MIB2: variants seen among roughly 807,000 people sequenced by gnomAD.
The protein encoded by MIB2 is MIB E3 ubiquitin protein ligase 2, also known as E3 ubiquitin-protein ligase MIB2.
Under a neutral mutation model 96.6 loss-of-function variants are expected in MIB2, and 78 were observed. The observed-to-expected ratio is 0.81, with a 90% CI of 0.67 to 0.97. MIB2 has a LOEUF of 0.97. MIB2 is among the 50% of genes least tolerant of loss of function. The pLI is 0.00. For missense variants in MIB2, 1,543 were observed against 1,424.0 expected, an observed-to-expected ratio of 1.08 and a Z score of -1.35; for synonymous variants, 820 against 629.5, an observed-to-expected ratio of 1.30 and a Z score of -4.53.
Position 1,630,458 on chromosome 1 carries a change from C to T in MIB2, c.2796C>T (p.Pro932=), listed in dbSNP as rs772606062. ...AGTGCGGCCACGGCGCATGCGCCCC[C>T]TGCGGCTCCGCGCTCAGCGCCTGCC... ...VFQCGHGACA[P]CGSALSACPI... The change falls in exon 20 of 20, where the codon CCC becomes CCT. Residue 932 remains proline, a synonymous_variant. Transcript: ENST00000355826. 8 of 1,593,996 alleles carry T rather than the reference C, an allele frequency of 5.0e-6. No individual in the cohort carries two copies. In the South Asian group the frequency reaches 5.6e-5, roughly 11 times the overall value.
chr1:1,616,093 G>T, intron 1 of MIB2: 2 of 984,350 alleles, frequency 2.0e-6, no homozygotes, highest in Non-Finnish European at 2.4e-6. Flanking sequence ...GCAAGTTGGG[G>T]TCGGCAGGTA....
rs946293432 is a variant in MIB2, at chr1:1,623,647, C to T, written c.195C>T (p.Arg65=). The change falls in exon 3 of 20, where the codon CGC becomes CGT. Residue 65 remains arginine (R), a synonymous_variant. Transcript: ENST00000355826. ...QWDQGTRTNY[R]AGYQGAHDLL... ...ACCAGGGCACGCGCACCAACTACCG[C>T]GCCGGCTACCAGGGCGCGCACGACC... is the stretch of plus-strand genomic sequence containing the variant. 7.4e-6 allele frequency: 11 copies of T among 1,477,676 alleles called. No homozygotes were observed. The highest frequency in any genetic ancestry group is 1.4e-5 in the African/African-American group (1 of 71,238). The allele number at this position is 1,477,676 out of a possible 1,614,324, so 91.5% of individuals were successfully genotyped here. A position where few individuals can be genotyped will look rare whatever the true frequency, so the allele number is the denominator to read the frequency against.
chr1:1,625,439 C>G lies in MIB2; in HGVS notation c.864+11C>G, dbSNP rs1213322831. On this transcript the variant is annotated intron_variant, in intron 7 of 19. Transcript: ENST00000355826. The surrounding 1 kb of genome is among the most constrained non-coding windows in gnomAD (Gnocchi z 5.0). The stretch of plus-strand genomic sequence containing the variant: ...CCCAGGATGGCGGAGGTGAGCCGCC[C>G]CGCCGTGGAGCCCTGTGTGCCCTGC... The G allele has an allele frequency of 6.4e-7, 1 of 1,563,682 alleles. No homozygotes were observed. Among genetic ancestry groups the G allele is most frequent in the Non-Finnish European group, 8.7e-7 (1 of 1,155,662 alleles).
At chr1:1,628,950 G>A in intron 16 of MIB2, 183 bp from the exon 17 acceptor site, 2 of 731,294 alleles carry the variant, frequency 2.7e-6, no homozygotes, top group Non-Finnish European at 4.3e-6. Context: ...GTGGAGCTTA[G>A]GGTCTCAGAG....
Position 1,626,262 on chromosome 1 carries a change from A to G in MIB2, c.973-388A>G. The G allele has an allele frequency of 3.7e-6, 1 of 269,150 alleles. No homozygotes were observed. The highest frequency in any genetic ancestry group is 7.1e-6 in the Non-Finnish European group (1 of 141,714). 16.7% of individuals were successfully genotyped at this position (269,150 alleles called of 1,614,324 possible). On this transcript the variant is annotated intron_variant, in intron 8 of 19. Transcript: ENST00000355826. The surrounding 1 kb of genome is among the most constrained non-coding windows in gnomAD (Gnocchi z 5.3). ...GTGAGTTCCCTGCATATGAGGGCTC[A>G]GGTGGGGCAGAGTGGGCCCGTCCTG...
At chr1:1,627,641 C>T (rs1319282278) in intron 12 of MIB2, 32 bp from the exon 13 acceptor site, 21 of 1,574,230 alleles carry the variant, frequency 1.3e-5, no homozygotes, top group South Asian at 9.1e-5. Context: ...CCGGGCCCGG[C>T]GCCCTCCCTC....
At chr1:1,615,272 C>T, upstream of MIB2, 2 of 1,221,180 alleles carry the variant, frequency 1.6e-6, no homozygotes, top group South Asian at 1.8e-5. Flanking sequence ...TGCCAGCGAG[C>T]GCGACGTCGC....
At chr1:1,622,929 G>A (rs926105195) in intron 2 of MIB2, among the ~76,000 whole-genome samples, 5 of 152,178 alleles carry the variant, frequency 3.3e-5, no homozygotes, top group Non-Finnish European at 5.9e-5. Flanking sequence ...TGGGTTGTCT[G>A]ACGTTTTCGT....
chr1:1,629,407 G>GCGGCCC lies in MIB2; in HGVS notation c.2408_2413dup (p.Ala803_Pro804dup). 1 of 1,450,128 alleles carries GCGGCCC rather than the reference G, an allele frequency of 6.9e-7. No homozygotes were observed. The highest frequency in any genetic ancestry group is 9.0e-7 in the Non-Finnish European group (1 of 1,113,372). 89.8% of individuals were successfully genotyped at this position (1,450,128 alleles called of 1,614,324 possible). A position where few individuals can be genotyped will look rare whatever the true frequency, so the allele number is the denominator to read the frequency against. On this transcript the variant is annotated inframe_insertion, in exon 18 of 20. Coordinates refer to ENST00000355826, the MANE Select transcript of MIB2 (RefSeq NM_001170687.4). ...CAGGGAGCGGCAGGCGGGCGGGGGCGCGGCCCCGGGCCCCAGGCAAACGCT... is the reference window on the plus strand; with the variant it reads ...CAGGGAGCGGCAGGCGGGCGGGGGCGCGGCCCCGGCCCCGGGCCCCAGGCAAACGCT...
rs371836805 is a variant in MIB2, at chr1:1,630,536, G to A, written c.*6G>A. 61 of 1,553,976 alleles carry A rather than the reference G, an allele frequency of 3.9e-5. No individual in the cohort carries two copies. The African/African-American group carries it at 5.4e-4, about 14-fold the overall frequency. On this transcript the variant is annotated 3_prime_UTR_variant, in exon 20 of 20. Transcript: ENST00000355826. ...GCATCCAGATCTTCGTGTGAGCCGC[G>A]CCGTCCGCCGCGCCCGAGCTGCCTT...
At chr1:1,615,105 G>A (rs910828970), upstream of MIB2, 5 of 289,332 alleles carry the variant, frequency 1.7e-5, no homozygotes, top group Non-Finnish European at 2.6e-5. Context: ...AAAGCGAGAA[G>A]CAAGCGTCCA....
intron 2 of MIB2, chr1:1,623,052 C>T (rs116083612): frequency 3.4e-4 from 124 of 364,394 alleles, no homozygotes; most frequent in African/African-American, 2.4e-3. Context: ...TCTCGGGGGA[C>T]GGCAGCTCTT....
At chr1:1,620,148 C>G (rs1372034514) in intron 2 of MIB2, among the ~76,000 whole-genome samples, 1 of 152,240 alleles carries the variant, frequency 6.6e-6, no homozygotes, top group East Asian at 1.9e-4. Context: ...GGCACCCTGC[C>G]CCTGTCTTTT....
rs1262926903 is a variant in MIB2, at chr1:1,630,481, G to A, written c.2819G>A (p.Cys940Tyr). ...CAPCGSALSA[C>Y]PICRQPIRDR... ...CCCTGCGGCTCCGCGCTCAGCGCCT[G>A]CCCCATCTGCCGCCAGCCCATCCGC... Residue 940 changes from cysteine to tyrosine, a missense_variant, in exon 20 of 20, where the codon TGC becomes TAC. Transcript: ENST00000355826. The A allele has an allele frequency of 6.3e-7, 1 of 1,593,822 alleles. No homozygotes were observed. The highest frequency in any genetic ancestry group is 8.5e-7 in the Non-Finnish European group (1 of 1,174,886).
intron 19 of MIB2, 43 bp downstream of exon 19, chr1:1,629,747 G>T: frequency 6.6e-7 from 1 of 1,524,462 alleles, no homozygotes; most frequent in Non-Finnish European, 8.8e-7. Context: ...CTGCTCAGCT[G>T]GTGGCCCGCG....
chr1:1,625,723 TG>T lies in MIB2; in HGVS notation c.972+76del, dbSNP rs1037249662. 14 of 1,322,540 alleles carry T rather than the reference TG, an allele frequency of 1.1e-5. No homozygotes were observed. Among genetic ancestry groups the T allele is most frequent in the Non-Finnish European group, 1.4e-5 (13 of 948,822 alleles). The allele number at this position is 1,322,540 out of a possible 1,614,324, so 81.9% of individuals were successfully genotyped here. On this transcript the variant is annotated intron_variant, in intron 8 of 19. Transcript: ENST00000355826. This position sits in a 1 kb window ranked among gnomAD's most constrained non-coding sequence, Gnocchi z 5.0. Reference sequence around the variant, plus strand: ...CCCCTTCCACGTACCCCCTTGGCCTTGGGGGGTCAGGCAGGACTAGGGTGCC... The same window carrying T: ...CCCCTTCCACGTACCCCCTTGGCCTTGGGGGTCAGGCAGGACTAGGGTGCC...
At position 1,629,491 on chromosome 1, in the gene MIB2, G is replaced by A. The variant is rs1482297821; in HGVS notation, c.2488G>A (p.Ala830Thr). Reference sequence around the variant, plus strand: ...GGGCGCCGCGCCGGGGCCCGAGGCCGCTGAGTGCCTGGTGTGCTCCGAGCT... The same window carrying A: ...GGGCGCCGCGCCGGGGCCCGAGGCCACTGAGTGCCTGGTGTGCTCCGAGCT... The part of the protein sequence containing the change: ...HVGAAPGPEA[A>T]ECLVCSELAL... The change falls in exon 18 of 20, where the codon GCT becomes ACT. Residue 830 changes from alanine to threonine, a missense_variant. Ala to Thr is a moderately conservative substitution (Grantham distance 58, BLOSUM62 0). Coordinates refer to ENST00000355826, the MANE Select transcript of MIB2 (RefSeq NM_001170687.4). 2.6e-6 allele frequency: 4 copies of A among 1,531,412 alleles called. No individual in the cohort carries two copies. The South Asian group carries it at 3.6e-5, about 14-fold the overall frequency. 94.9% of individuals were successfully genotyped at this position (1,531,412 alleles called of 1,614,324 possible). A position where few individuals can be genotyped will look rare whatever the true frequency, so the allele number is the denominator to read the frequency against.
upstream of MIB2, chr1:1,615,489 C>G (rs749144672): frequency 1.4e-5 from 21 of 1,526,250 alleles, no homozygotes; most frequent in African/African-American, 2.9e-4. Flanking sequence ...GGGGGCGGGC[C>G]CTGGGCTCCC....
intron 19 of MIB2, among the ~76,000 whole-genome samples, chr1:1,630,076 G>C (rs1243292796): frequency 8.6e-6 from 1 of 116,242 alleles, no homozygotes; most frequent in Non-Finnish European, 1.7e-5. Context: ...CCTGACTCCA[G>C]CCCGCACACC....
Sources: gnomAD v4.1 joint callset for allele counts (sites outside exome capture counted in the v4.1 genomes callset) on GRCh38, gnomAD v4.1.1 for gene constraint, Gnocchi (gnomAD v3.1) non-coding constraint, MANE v1.5 for transcripts, NCBI Gene and HGNC (gene_info 2026-07-23, HGNC 2026-07-21) for gene names.